Variants in GLG1 observed in about 807,000 individuals in gnomAD.
The protein encoded by GLG1 is Golgi apparatus protein 1.
In GLG1, 38 loss-of-function variants were observed where a neutral mutation model predicts 160.5. That is an observed-to-expected ratio of 0.24 (90% CI 0.18 to 0.31). The LOEUF is 0.31. GLG1 is among the 10% of genes least tolerant of loss of function. The probability of loss-of-function intolerance (pLI) is 1.00; values close to 1 mark genes in which losing one functional copy is unlikely to be tolerated. For synonymous variants in GLG1, 644 were observed against 543.4 expected, an observed-to-expected ratio of 1.19 and a Z score of -2.57; for missense variants, 1,373 against 1,505.2, an observed-to-expected ratio of 0.91 and a Z score of 1.45.
At chr16:74,571,397 G>C (rs79336237) in intron 1 of GLG1, among the ~76,000 whole-genome samples, 2,932 of 152,262 alleles carry the variant, frequency 0.019, 39 homozygotes, top group Non-Finnish European at 0.028. Flanking sequence ...GTTTGGGACC[G>C]GGTACAGAGG....
chr16:74,568,457 GC>G (rs1567529194), intron 1 of GLG1, among the ~76,000 whole-genome samples: 1 of 136,228 alleles, frequency 7.3e-6, no homozygotes, highest in African/African-American at 2.8e-5. Flanking sequence ...TTGCTCTTTC[GC>G]CCAGGCTGGA....
chr16:74,482,483 C>T (rs2015638012), intron 10 of GLG1, among the ~76,000 whole-genome samples: 1 of 152,114 alleles, frequency 6.6e-6, no homozygotes, highest in South Asian at 2.1e-4. Flanking sequence ...GTGATTCTGG[C>T]TGTAATACGG....
At chr16:74,593,290 G>A (rs533942145) in intron 1 of GLG1, among the ~76,000 whole-genome samples, 5 of 152,238 alleles carry the variant, frequency 3.3e-5, no homozygotes, top group African/African-American at 4.8e-5. Flanking sequence ...TTTCTGCATC[G>A]TTGAAGTTAC....
chr16:74,571,333 A>T (rs749803863), intron 1 of GLG1, among the ~76,000 whole-genome samples: 3 of 152,158 alleles, frequency 2.0e-5, no homozygotes, highest in Non-Finnish European at 4.4e-5. Context: ...CTGCCCAAAA[A>T]TCTGACCCAC....
chr16:74,513,215 A>C (rs994102445), intron 2 of GLG1, among the ~76,000 whole-genome samples: 9 of 152,346 alleles, frequency 5.9e-5, no homozygotes, highest in African/African-American at 2.2e-4. Flanking sequence ...TAGGGAGGTT[A>C]GTAGACCAAG....
chr16:74,504,408 T>C lies in GLG1; in HGVS notation c.559-662A>G, dbSNP rs140114961. ...GTTCAAGTGATTCTCCTGCCTCAGC[T>C]TCCTGAGTAGCTAGGATTATAGGAG... On this transcript the variant is annotated intron_variant, in intron 3 of 25. Coordinates refer to ENST00000422840, the MANE Select transcript of GLG1 (RefSeq NM_001145667.2). Among the ~76,000 whole-genome samples the C allele has an allele frequency of 7.8e-3, 1,190 of 152,246 alleles. 18 individuals carry two copies. Among genetic ancestry groups the C allele is most frequent in the African/African-American group, 0.028 (1,144 of 41,532 alleles).
intron 1 of GLG1, among the ~76,000 whole-genome samples, chr16:74,539,669 C>T (rs756597501): frequency 6.6e-6 from 1 of 151,436 alleles, no homozygotes; most frequent in African/African-American, 2.4e-5. Flanking sequence ...ACAGAGCAAT[C>T]GCTAATTACT....
In GLG1 at chr16:74,453,161, G is replaced by T; in HGVS notation, c.*6C>A. 1 of 1,613,168 alleles carries T rather than the reference G, an allele frequency of 6.2e-7. No individual in the cohort carries two copies. Among genetic ancestry groups the T allele is most frequent in the South Asian group, 1.1e-5 (1 of 90,982 alleles). ...ATAGGTAGTTCCTTTGGTGGTCAAG[G>T]TGGCTCTACCTGTCCTTGAGCTCTC... is the stretch of plus-strand genomic sequence containing the variant. On this transcript the variant is annotated 3_prime_UTR_variant, in exon 26 of 26. Coordinates refer to ENST00000422840, the MANE Select transcript of GLG1 (RefSeq NM_001145667.2).
intron 1 of GLG1, among the ~76,000 whole-genome samples, chr16:74,533,318 C>T (rs1180234825): frequency 6.6e-6 from 1 of 152,084 alleles, no homozygotes; most frequent in Non-Finnish European, 1.5e-5. Context: ...GAGACTCCGT[C>T]TCAAAAAACA....
chr16:74,583,864 C>A (rs900220635), intron 1 of GLG1, among the ~76,000 whole-genome samples: 5 of 152,140 alleles, frequency 3.3e-5, no homozygotes, highest in Non-Finnish European at 7.3e-5. Flanking sequence ...AGGGTATCAT[C>A]ATCACCACAT....
At chr16:74,600,535 C>T (rs553626995) in intron 1 of GLG1, among the ~76,000 whole-genome samples, 46 of 151,952 alleles carry the variant, frequency 3.0e-4, no homozygotes, top group African/African-American at 1.1e-3. Context: ...GGTTCAAGAC[C>T]AGCCTGGCCA....
intron 4 of GLG1, among the ~76,000 whole-genome samples, chr16:74,503,146 G>A (rs114207712): frequency 1.3e-5 from 2 of 151,982 alleles, no homozygotes; most frequent in South Asian, 2.1e-4. Flanking sequence ...GGCTGAGGCT[G>A]CAATGAGCGG....
At chr16:74,461,236 C>T (rs2014779485) in intron 22 of GLG1, among the ~76,000 whole-genome samples, 1 of 150,204 alleles carries the variant, frequency 6.7e-6, no homozygotes, top group Admixed American at 6.6e-5. Flanking sequence ...GGTGCAATCT[C>T]GGCTCACTGC....
chr16:74,565,743 T>G (rs1261221781), intron 1 of GLG1, among the ~76,000 whole-genome samples: 6 of 152,236 alleles, frequency 3.9e-5, no homozygotes, highest in Non-Finnish European at 8.8e-5. Flanking sequence ...CGCAAATTAT[T>G]CTTTGCACAA....
chr16:74,457,193 G>C (rs112954440), intron 24 of GLG1, among the ~76,000 whole-genome samples: 92 of 152,288 alleles, frequency 6.0e-4, no homozygotes, highest in African/African-American at 2.1e-3. Flanking sequence ...TCAGGAGTTT[G>C]AGACTAGCCT....
intron 1 of GLG1, among the ~76,000 whole-genome samples, chr16:74,567,401 A>G (rs1444169424): frequency 1.3e-5 from 2 of 152,144 alleles, no homozygotes; most frequent in African/African-American, 4.8e-5. Flanking sequence ...ATTGACAGGT[A>G]TCTCTTTATT....
At chr16:74,549,089 AC>A (rs1195034798) in intron 1 of GLG1, among the ~76,000 whole-genome samples, 1 of 152,228 alleles carries the variant, frequency 6.6e-6, no homozygotes, top group African/African-American at 2.4e-5. Context: ...TCAATCTTAT[AC>A]ATTCCTCTCT....
At chr16:74,477,613 G>A (rs1355500058) in intron 11 of GLG1, 80 bp from the exon 12 acceptor site, 2 of 992,728 alleles carry the variant, frequency 2.0e-6, no homozygotes, top group East Asian at 5.2e-5. Flanking sequence ...CTGCTATGAG[G>A]AAACTAACAA....
At chr16:74,511,264 G>A (rs2143504521) in intron 2 of GLG1, among the ~76,000 whole-genome samples, 1 of 152,280 alleles carries the variant, frequency 6.6e-6, no homozygotes, top group East Asian at 1.9e-4. Flanking sequence ...AGGAAGATCT[G>A]AAGAAAACAC....
Sources: allele counts gnomAD v4.1 joint callset (sites outside exome capture counted in the v4.1 genomes callset), GRCh38; gene constraint gnomAD v4.1.1; transcripts MANE v1.5; gene names NCBI Gene and HGNC (gene_info 2026-07-23, HGNC 2026-07-21).